The following NKAIN3 variants were observed in gnomAD, a reference collection of about 807,000 sequenced individuals.
NKAIN3 encodes the protein sodium/potassium transporting ATPase interacting 3.
Under a neutral mutation model 30.2 loss-of-function variants are expected in NKAIN3, and 25 were observed. That is an observed-to-expected ratio of 0.83 (90% CI 0.60 to 1.16). The LOEUF (loss-of-function observed/expected upper bound fraction) is 1.16. Ranked by LOEUF, NKAIN3 falls within the 50% of genes most tolerant of loss-of-function variation. NKAIN3 has a pLI of 0.00. For missense variants in NKAIN3, 225 were observed against 254.1 expected, an observed-to-expected ratio of 0.89 and a Z score of 0.78; for synonymous variants, 91 against 89.6, an observed-to-expected ratio of 1.02 and a Z score of -0.09.
intron 5 of NKAIN3, among the ~76,000 whole-genome samples, chr8:62,993,849 T>C (rs191140482): frequency 4.8e-4 from 73 of 152,290 alleles, no homozygotes; most frequent in East Asian, 2.5e-3. Flanking sequence ...CCTTTTCTCA[T>C]TGAGATAATT....
In NKAIN3 at chr8:62,249,044, A is replaced by C. The variant is rs1253123701; in HGVS notation, c.-30A>C. ...GCGGCGGAGGACGAGGATCTCTGGC[A>C]GTCAGCGCCGCTCGGACGCCGCCGG... On this transcript the variant is annotated 5_prime_UTR_variant, in exon 1 of 7. Transcript: ENST00000623646. 112 of 1,528,392 alleles carry C rather than the reference A, an allele frequency of 7.3e-5. No individual in the cohort carries two copies. Among genetic ancestry groups the C allele is most frequent in the Non-Finnish European group, 9.5e-5 (108 of 1,138,704 alleles). The allele number at this position is 1,528,392 out of a possible 1,614,324, so 94.7% of individuals were successfully genotyped here. A position where few individuals can be genotyped will look rare whatever the true frequency, so the allele number is the denominator to read the frequency against.
Position 62,820,189 on chromosome 8 carries a change from G to A in NKAIN3, c.471+73060G>A, listed in dbSNP as rs998601973. Among the ~76,000 whole-genome samples the A allele has an allele frequency of 3.3e-5, 5 of 152,108 alleles. No homozygotes were observed. In the East Asian group the frequency reaches 7.7e-4, roughly 23 times the overall value. On this transcript the variant is annotated intron_variant, in intron 4 of 6. Transcript: ENST00000623646. ...TAACCAATGCAGATTTGCAACGAAG[G>A]AATAACAGAGCTGTGTTTGTTTTGT... is the stretch of plus-strand genomic sequence containing the variant.
At chr8:62,445,551 T>A (rs900042278) in intron 1 of NKAIN3, among the ~76,000 whole-genome samples, 5 of 152,156 alleles carry the variant, frequency 3.3e-5, no homozygotes, top group Non-Finnish European at 7.3e-5. Context: ...GTTTACTTCT[T>A]ATATTATACA....
At chr8:62,919,364 C>A (rs1822208317) in intron 5 of NKAIN3, among the ~76,000 whole-genome samples, 1 of 149,870 alleles carries the variant, frequency 6.7e-6, no homozygotes, top group African/African-American at 2.5e-5. Flanking sequence ...CCTGCCTCAG[C>A]CTCCTGAGTG....
intron 4 of NKAIN3, among the ~76,000 whole-genome samples, chr8:62,792,526 A>ACTGGATATAAG (rs1309936347): frequency 1.8e-3 from 7 of 3,858 alleles, no homozygotes; most frequent in African/African-American, 3.3e-3. Flanking sequence ...GGGTGGAGAC[A>ACTGGATATAAG]TTGAAATGGA....
intron 3 of NKAIN3, among the ~76,000 whole-genome samples, chr8:62,673,588 C>G (rs1477422086): frequency 1.3e-5 from 2 of 152,138 alleles, no homozygotes; most frequent in Non-Finnish European, 2.9e-5. Context: ...AGGGATACAT[C>G]CTAAGAAATG....
chr8:62,610,063 T>C (rs1362989614), intron 3 of NKAIN3, among the ~76,000 whole-genome samples: 3 of 151,986 alleles, frequency 2.0e-5, no homozygotes, highest in African/African-American at 7.2e-5. Context: ...ACAAAGGTGG[T>C]GGCCAGGTGC....
At chr8:62,610,876 TA>T (rs1811267517) in intron 3 of NKAIN3, among the ~76,000 whole-genome samples, 1 of 152,168 alleles carries the variant, frequency 6.6e-6, no homozygotes, top group Admixed American at 6.5e-5. Flanking sequence ...CTACGTTTTT[TA>T]CTATGTTCTT....
Position 62,531,762 on chromosome 8 carries a change from A to G in NKAIN3, c.55-47777A>G, listed in dbSNP as rs527943839. On this transcript the variant is annotated intron_variant, in intron 1 of 6. Coordinates refer to ENST00000623646, the MANE Select transcript of NKAIN3 (RefSeq NM_001304533.3). ...GATGGTCTGAAGTAACTAACTGGGCACTCACTCAGGGAAAGGGAAATCACT... is the reference window on the plus strand; with the variant it reads ...GATGGTCTGAAGTAACTAACTGGGCGCTCACTCAGGGAAAGGGAAATCACT... 2.0e-5 allele frequency among the ~76,000 whole-genome samples: 3 copies of G among 152,280 alleles called. No homozygotes were observed. The East Asian group carries it at 5.8e-4, about 29-fold the overall frequency.
chr8:62,716,370 G>A (rs1814903489), intron 3 of NKAIN3, among the ~76,000 whole-genome samples: 1 of 152,162 alleles, frequency 6.6e-6, no homozygotes, highest in East Asian at 1.9e-4. Flanking sequence ...TAGCAGTGAA[G>A]GATAGGGGTT....
intron 1 of NKAIN3, among the ~76,000 whole-genome samples, chr8:62,507,069 T>C (rs559161885): frequency 4.6e-5 from 7 of 152,230 alleles, no homozygotes; most frequent in Non-Finnish European, 8.8e-5. Flanking sequence ...AACATGCTGC[T>C]GTGTGATCTT....
intron 4 of NKAIN3, among the ~76,000 whole-genome samples, chr8:62,897,905 G>A (rs180672944): frequency 6.6e-6 from 1 of 152,222 alleles, no homozygotes; most frequent in African/African-American, 2.4e-5. Context: ...CCCACCAGAT[G>A]CAGATGCCCA....
At chr8:62,399,538 T>A (rs1817871543) in intron 1 of NKAIN3, among the ~76,000 whole-genome samples, 1 of 151,972 alleles carries the variant, frequency 6.6e-6, no homozygotes. Flanking sequence ...GAGAAAGAAA[T>A]ACATATTCAG....
At chr8:62,529,503 GA>G (rs1406726937) in intron 1 of NKAIN3, among the ~76,000 whole-genome samples, 1 of 152,110 alleles carries the variant, frequency 6.6e-6, no homozygotes, top group African/African-American at 2.4e-5. Context: ...GAGCCCTCCT[GA>G]ATGGGATTAG....
intron 3 of NKAIN3, among the ~76,000 whole-genome samples, chr8:62,668,111 T>TACACTCACAC (rs1813186855): frequency 6.7e-6 from 1 of 149,026 alleles, no homozygotes; most frequent in African/African-American, 2.5e-5. Flanking sequence ...CACACACACA[T>TACACTCACAC]ACACACACAC....
intron 1 of NKAIN3, among the ~76,000 whole-genome samples, chr8:62,512,963 G>T (rs1034782140): frequency 1.3e-5 from 2 of 152,048 alleles, no homozygotes; most frequent in African/African-American, 4.8e-5. Context: ...AAATATGGCA[G>T]CAGGGTGAGT....
intron 4 of NKAIN3, among the ~76,000 whole-genome samples, chr8:62,748,672 A>T: frequency 6.6e-6 from 1 of 152,232 alleles, no homozygotes. Flanking sequence ...TTCTAGAAAG[A>T]CTAAAGATCT....
intron 1 of NKAIN3, among the ~76,000 whole-genome samples, chr8:62,529,330 A>G (rs571045493): frequency 2.0e-5 from 3 of 152,286 alleles, no homozygotes; most frequent in Non-Finnish European, 4.4e-5. Context: ...TCACTGACAC[A>G]TTGCTCCCTT....
intron 2 of NKAIN3, among the ~76,000 whole-genome samples, chr8:62,580,639 C>T (rs1810259117): frequency 6.6e-6 from 1 of 152,066 alleles, no homozygotes; most frequent in Non-Finnish European, 1.5e-5. Flanking sequence ...TTAATCCATT[C>T]TCTATTTTGA....
Sources: gnomAD v4.1 joint callset for allele counts (sites outside exome capture counted in the v4.1 genomes callset) on GRCh38, gnomAD v4.1.1 for gene constraint, MANE v1.5 for transcripts, NCBI Gene and HGNC (gene_info 2026-07-23, HGNC 2026-07-21) for gene names.